ANXA8: variants seen among roughly 807,000 people sequenced by gnomAD.
ANXA8 encodes VAC-beta.
Under a neutral mutation model 26.8 loss-of-function variants are expected in ANXA8, and 9 were observed. The ratio of observed to expected loss-of-function variants is 0.34; its 90% CI spans 0.20 to 0.59. The LOEUF is 0.59. ANXA8 is among the 20% of genes least tolerant of loss of function. The pLI is 0.84. For missense variants in ANXA8, 83 were observed against 238.5 expected (o/e 0.35, Z 4.29); for synonymous variants, 39 against 94.8 (o/e 0.41, Z 3.42).
the ANXA8 span, among the ~76,000 whole-genome samples, chr10:47,950,467 A>C: frequency 6.6e-6 from 1 of 151,732 alleles, no homozygotes; most frequent in Non-Finnish European, 1.5e-5. Flanking sequence ...CTAGGAATGC[A>C]AAGTCAGTTT....
chr10:47,733,217 C>CTTTCTTTCTT, the ANXA8 span, among the ~76,000 whole-genome samples: 2 of 71,360 alleles, frequency 2.8e-5, no homozygotes, highest in African/African-American at 9.4e-5. Context: ...TTCTTTCTTT[C>CTTTCTTTCTT]TTTCTCTTTC....
chr10:47,575,225 AAGC>A, the ANXA8 span, among the ~76,000 whole-genome samples: 1 of 142,736 alleles, frequency 7.0e-6, no homozygotes, highest in South Asian at 2.2e-4. Context: ...AAAAGAAAGA[AAGC>A]AAGCAAGAAA....
At chr10:47,500,880 C>T in the ANXA8 span, among the ~76,000 whole-genome samples, 2 of 118,878 alleles carry the variant, frequency 1.7e-5, no homozygotes, top group Non-Finnish European at 3.4e-5. Flanking sequence ...ACTACAGGTG[C>T]CCGCCACCAC....
At chr10:47,933,505 T>C in the ANXA8 span, among the ~76,000 whole-genome samples, 1 of 35,748 alleles carries the variant, frequency 2.8e-5, no homozygotes, top group East Asian at 3.2e-4. Flanking sequence ...TTCAAGGTTC[T>C]GATACACCTC....
chr10:47,525,939 G>A, the ANXA8 span, among the ~76,000 whole-genome samples: 151 of 134,446 alleles, frequency 1.1e-3, 14 homozygotes, highest in Non-Finnish European at 7.9e-5. Flanking sequence ...CGAGTAGCTG[G>A]GATTGCAGGC....
the ANXA8 span, chr10:47,706,712 G>A: frequency 8.8e-6 from 13 of 1,482,486 alleles, 2 homozygotes; most frequent in African/African-American, 9.5e-5. Context: ...CAGAAAAAAT[G>A]GACGGGGGCA....
the ANXA8 span, among the ~76,000 whole-genome samples, chr10:47,680,856 AG>A: frequency 6.6e-6 from 1 of 150,960 alleles, no homozygotes; most frequent in African/African-American, 2.4e-5. Context: ...TTTATGCTGA[AG>A]TTTTATTCTT....
chr10:47,652,279 T>C, the ANXA8 span, among the ~76,000 whole-genome samples: 20 of 151,574 alleles, frequency 1.3e-4, no homozygotes, highest in Admixed American at 5.9e-4. Flanking sequence ...GTAAATTGTA[T>C]GCTATGTGAA....
At chr10:47,946,347 C>T in the ANXA8 span, among the ~76,000 whole-genome samples, 4 of 150,550 alleles carry the variant, frequency 2.7e-5, no homozygotes, top group Admixed American at 6.6e-5. Flanking sequence ...TATCTGCCTC[C>T]TCACTAGTGT....
chr10:47,976,544 T>TAC, the ANXA8 span, among the ~76,000 whole-genome samples: 42,225 of 132,372 alleles, frequency 0.32, 4,415 homozygotes, highest in Non-Finnish European at 0.39. Context: ...CCTCTGTCTT[T>TAC]ACACACACAC....
At chr10:47,915,327 T>TAGA in the ANXA8 span, among the ~76,000 whole-genome samples, 46 of 114,062 alleles carry the variant, frequency 4.0e-4, no homozygotes, top group Non-Finnish European at 5.8e-4. Context: ...GAGGCAGCAC[T>TAGA]AGAAGGCCTG....
chr10:47,941,611 C>G, the ANXA8 span, among the ~76,000 whole-genome samples: 5 of 146,924 alleles, frequency 3.4e-5, no homozygotes, highest in South Asian at 6.4e-4. Flanking sequence ...TCACGGCACT[C>G]CAGCCTGGGG....
the ANXA8 span, among the ~76,000 whole-genome samples, chr10:47,667,130 C>T: frequency 7.9e-3 from 1,200 of 152,024 alleles, 8 homozygotes; most frequent in Non-Finnish European, 0.013. Context: ...CCTTGGAATT[C>T]TCTTTTCTTT....
chr10:47,664,362 G>T, the ANXA8 span, among the ~76,000 whole-genome samples: 2 of 151,908 alleles, frequency 1.3e-5, no homozygotes, highest in Non-Finnish European at 2.9e-5. Flanking sequence ...TGGGTGACAA[G>T]AGTGAAACTC....
chr10:47,558,774 C>T, the ANXA8 span, among the ~76,000 whole-genome samples: 1 of 151,854 alleles, frequency 6.6e-6, no homozygotes, highest in African/African-American at 2.4e-5. Flanking sequence ...AGTTTCTGTT[C>T]TGTGCCCCTG....
the ANXA8 span, among the ~76,000 whole-genome samples, chr10:47,652,583 C>A: frequency 6.7e-6 from 1 of 149,414 alleles, no homozygotes; most frequent in Non-Finnish European, 1.5e-5. Flanking sequence ...GTCAACAGAA[C>A]GAGACTGTCT....
chr10:47,667,580 C>A, the ANXA8 span, among the ~76,000 whole-genome samples: 1 of 151,770 alleles, frequency 6.6e-6, no homozygotes, highest in Non-Finnish European at 1.5e-5. Context: ...GAGACAGAAT[C>A]CCACTCTCGC....
At chr10:47,947,599 A>G in the ANXA8 span, among the ~76,000 whole-genome samples, 1 of 147,406 alleles carries the variant, frequency 6.8e-6, no homozygotes, top group African/African-American at 2.5e-5. Flanking sequence ...TTCTTGTGAT[A>G]GTGAGTGAGT....
At chr10:47,686,443 C>G in the ANXA8 span, among the ~76,000 whole-genome samples, 1 of 151,774 alleles carries the variant, frequency 6.6e-6, no homozygotes, top group Non-Finnish European at 1.5e-5. Flanking sequence ...AACTCCTGAC[C>G]TCAGGTGATC....
Sources: gnomAD v4.1 joint callset for allele counts (sites outside exome capture counted in the v4.1 genomes callset) on GRCh38, gnomAD v4.1.1 for gene constraint, MANE v1.5 for transcripts, NCBI Gene and HGNC (gene_info 2026-07-23, HGNC 2026-07-21) for gene names.